Variants in SLC2A13 observed in about 807,000 individuals in gnomAD.
SLC2A13 encodes solute carrier family 2 member 13.
In SLC2A13, 32 loss-of-function variants were observed where a neutral mutation model predicts 64.4. The ratio of observed to expected loss-of-function variants is 0.50; its 90% CI spans 0.37 to 0.67. The LOEUF (loss-of-function observed/expected upper bound fraction) is 0.67. Ranked by LOEUF, SLC2A13 falls within the 30% of genes least tolerant of loss-of-function variation. The probability of loss-of-function intolerance (pLI) is 0.00; values close to 1 mark genes in which losing one functional copy is unlikely to be tolerated. For missense variants in SLC2A13, 743 were observed against 829.2 expected, an observed-to-expected ratio of 0.90 and a Z score of 1.28; for synonymous variants, 338 against 327.1, an observed-to-expected ratio of 1.03 and a Z score of -0.36.
At chr12:39,880,606 T>G (rs1944315762) in intron 4 of SLC2A13, among the ~76,000 whole-genome samples, 1 of 152,216 alleles carries the variant, frequency 6.6e-6, no homozygotes, top group Non-Finnish European at 1.5e-5. Flanking sequence ...TTTAATATAT[T>G]AGAAAATAAT....
intron 7 of SLC2A13, among the ~76,000 whole-genome samples, chr12:39,821,512 C>T (rs1942509500): frequency 6.6e-6 from 1 of 152,052 alleles, no homozygotes; most frequent in African/African-American, 2.4e-5. Context: ...CAAAAGAGAG[C>T]GAATTGCAGT....
chr12:40,031,226 A>C (rs1947897938), intron 2 of SLC2A13, among the ~76,000 whole-genome samples: 1 of 151,852 alleles, frequency 6.6e-6, no homozygotes, highest in South Asian at 2.1e-4. Context: ...CATTTTATTT[A>C]TTTATTTATT....
intron 4 of SLC2A13, chr12:39,949,454 C>A (rs184812075): frequency 2.6e-5 from 4 of 152,126 alleles, no homozygotes; most frequent in African/African-American, 9.7e-5. Flanking sequence ...ATATCAGGAT[C>A]CTTATATCAC....
rs993429125 is a variant in SLC2A13, at chr12:39,896,553, C to T, written c.1035-24592G>A. 6.0e-5 allele frequency among the ~76,000 whole-genome samples: 8 copies of T among 134,290 alleles called. 1 individual carries two copies. The highest frequency in any genetic ancestry group is 1.4e-4 in the African/African-American group (5 of 35,934). The allele number at this position is 134,290 out of a possible 152,430, so 88.1% of individuals were successfully genotyped here. A position where few individuals can be genotyped will look rare whatever the true frequency, so the allele number is the denominator to read the frequency against. ...ACATGTATGTATGTATGTGTGTATACATGTATACATATATGTATGTATGTG... is the reference window on the plus strand; with the variant it reads ...ACATGTATGTATGTATGTGTGTATATATGTATACATATATGTATGTATGTG... On this transcript the variant is annotated intron_variant, in intron 4 of 9. Transcript: ENST00000280871.
chr12:39,920,586 G>A lies in SLC2A13; in HGVS notation c.1034+30671C>T, dbSNP rs182800236. Among the ~76,000 whole-genome samples the A allele has an allele frequency of 2.9e-4, 44 of 152,198 alleles. No individual in the cohort carries two copies. In the East Asian group the frequency reaches 6.7e-3, roughly 23 times the overall value. On this transcript the variant is annotated intron_variant, in intron 4 of 9. Transcript: ENST00000280871. ...AGCATCTGGTCAGTGAACATTTATA[G>A]AGACTCTGTAGCGGAGTAGTTACAA...
intron 7 of SLC2A13, among the ~76,000 whole-genome samples, chr12:39,826,410 A>AT (rs1266110354): frequency 1.3e-5 from 2 of 148,432 alleles, no homozygotes; most frequent in Non-Finnish European, 3.0e-5. Context: ...TAATTGGTTT[A>AT]TTTTTTATTG....
chr12:39,895,388 G>C (rs1377830281), intron 4 of SLC2A13, among the ~76,000 whole-genome samples: 1 of 150,406 alleles, frequency 6.6e-6, no homozygotes, highest in Non-Finnish European at 1.5e-5. Flanking sequence ...TACTTGGCAG[G>C]CTGAGGCAGG....
intron 6 of SLC2A13, among the ~76,000 whole-genome samples, chr12:39,838,457 A>G (rs1213040886): frequency 6.6e-6 from 1 of 150,390 alleles, no homozygotes; most frequent in South Asian, 2.1e-4. Flanking sequence ...TAACCTGCAC[A>G]ATGTGCACAT....
At chr12:39,929,086 T>C (rs1458485757) in intron 4 of SLC2A13, among the ~76,000 whole-genome samples, 1 of 151,378 alleles carries the variant, frequency 6.6e-6, no homozygotes, top group Non-Finnish European at 1.5e-5. Flanking sequence ...CAGCAAGGAG[T>C]GGCAAGAAAA....
chr12:40,028,624 A>T, intron 2 of SLC2A13, 115 bp from the exon 3 acceptor site: 1 of 955,498 alleles, frequency 1.0e-6, no homozygotes, highest in Non-Finnish European at 1.5e-6. Context: ...GTTAGCCAGA[A>T]TTATTTGTGC....
At chr12:40,052,431 G>A (rs1455487917) in intron 1 of SLC2A13, among the ~76,000 whole-genome samples, 4 of 151,868 alleles carry the variant, frequency 2.6e-5, no homozygotes, top group Non-Finnish European at 5.9e-5. Context: ...AGAAAACATG[G>A]GCAAATCATG....
intron 6 of SLC2A13, among the ~76,000 whole-genome samples, chr12:39,836,358 T>A (rs1943003690): frequency 6.6e-6 from 1 of 152,144 alleles, no homozygotes; most frequent in African/African-American, 2.4e-5. Flanking sequence ...CTTTTCTTAC[T>A]AGCTGCAGAG....
intron 3 of SLC2A13, among the ~76,000 whole-genome samples, chr12:39,971,041 C>A (rs1946638518): frequency 6.6e-6 from 1 of 152,120 alleles, no homozygotes; most frequent in Non-Finnish European, 1.5e-5. Context: ...TATTTTAGCT[C>A]TTCCCCTAGT....
At chr12:39,867,955 T>C (rs980036146) in intron 5 of SLC2A13, among the ~76,000 whole-genome samples, 4 of 152,226 alleles carry the variant, frequency 2.6e-5, no homozygotes. Context: ...AACGACTTTA[T>C]TTATAAAATA....
chr12:39,817,415 T>G (rs1942368469), intron 7 of SLC2A13, among the ~76,000 whole-genome samples: 2 of 128,808 alleles, frequency 1.6e-5, no homozygotes, highest in African/African-American at 5.1e-5. Context: ...CTTCTAGTTG[T>G]GGGTCATCTG....
intron 4 of SLC2A13, among the ~76,000 whole-genome samples, chr12:39,880,413 G>T (rs373841332): frequency 3.3e-5 from 5 of 152,106 alleles, no homozygotes; most frequent in African/African-American, 1.2e-4. Context: ...AATCCTCTTT[G>T]TACATTATAA....
chr12:39,865,333 G>C (rs1250705514), intron 5 of SLC2A13, among the ~76,000 whole-genome samples: 1 of 152,120 alleles, frequency 6.6e-6, no homozygotes, highest in African/African-American at 2.4e-5. Context: ...GACTTAAATT[G>C]GTAAACCTTT....
intron 6 of SLC2A13, among the ~76,000 whole-genome samples, chr12:39,846,793 G>C (rs1943327119): frequency 6.6e-6 from 1 of 152,036 alleles, no homozygotes; most frequent in Admixed American, 6.6e-5. Flanking sequence ...GGTAAAATGG[G>C]GAAAATAATA....
intron 1 of SLC2A13, among the ~76,000 whole-genome samples, chr12:40,099,637 C>G (rs1180738055): frequency 6.6e-6 from 1 of 152,182 alleles, no homozygotes; most frequent in African/African-American, 2.4e-5. Flanking sequence ...CGTTATCTTA[C>G]TGACAACTCA....
Sources: gnomAD v4.1 joint callset for allele counts (sites outside exome capture counted in the v4.1 genomes callset) on GRCh38, gnomAD v4.1.1 for gene constraint, MANE v1.5 for transcripts, NCBI Gene and HGNC (gene_info 2026-07-23, HGNC 2026-07-21) for gene names.